CHSY3: variants seen among roughly 807,000 people sequenced by gnomAD.
CHSY3 encodes the protein N-acetylgalactosaminyl-proteoglycan 3-beta-glucuronosyltransferase 3.
A neutral mutation model predicts 67.2 loss-of-function variants in CHSY3; 35 were observed. That is an observed-to-expected ratio of 0.52 (90% CI 0.40 to 0.69). CHSY3 has a LOEUF of 0.69. Ranked by LOEUF, CHSY3 falls within the 30% of genes least tolerant of loss-of-function variation. The pLI is 0.00. For synonymous variants in CHSY3, 474 were observed against 434.7 expected, an observed-to-expected ratio of 1.09 and a Z score of -1.12; for missense variants, 1,069 against 1,138.5, an observed-to-expected ratio of 0.94 and a Z score of 0.88.
At chr5:130,168,063 TCTTTC>T (rs1769798276) in intron 2 of CHSY3, among the ~76,000 whole-genome samples, 1 of 152,138 alleles carries the variant, frequency 6.6e-6, no homozygotes, top group Non-Finnish European at 1.5e-5. Context: ...GGTTCTTTTT[TCTTTC>T]CTTTAAGTAG....
chr5:129,970,413 GATA>G (rs1365156897), intron 2 of CHSY3, among the ~76,000 whole-genome samples: 2 of 145,854 alleles, frequency 1.4e-5, no homozygotes, highest in Non-Finnish European at 3.0e-5. Context: ...TAGATAGATA[GATA>G]GATAGATAGA....
chr5:129,995,237 TA>T (rs1168748357), intron 2 of CHSY3, among the ~76,000 whole-genome samples: 2 of 152,176 alleles, frequency 1.3e-5, no homozygotes, highest in Non-Finnish European at 2.9e-5. Context: ...ATCCTTTTTG[TA>T]AAATGCCTGC....
chr5:129,908,749 TTA>T (rs1291353708), intron 2 of CHSY3, among the ~76,000 whole-genome samples: 1 of 152,184 alleles, frequency 6.6e-6, no homozygotes, highest in Non-Finnish European at 1.5e-5. Flanking sequence ...TTATTTTATT[TTA>T]TTTTATTTTG....
intron 2 of CHSY3, among the ~76,000 whole-genome samples, chr5:130,158,548 G>A (rs574120885): frequency 1.3e-5 from 2 of 152,268 alleles, no homozygotes; most frequent in African/African-American, 4.8e-5. Flanking sequence ...ATCATCAAAT[G>A]TGGGTCTAGA....
chr5:129,937,388 T>C (rs567492285), intron 2 of CHSY3, among the ~76,000 whole-genome samples: 2 of 152,240 alleles, frequency 1.3e-5, no homozygotes, highest in African/African-American at 2.4e-5. Flanking sequence ...CATCATTCAA[T>C]CACCTCCCAC....
chr5:130,020,461 A>ATATATATATATATATATAT (rs1371121130), intron 2 of CHSY3, among the ~76,000 whole-genome samples: 1 of 79,930 alleles, frequency 1.3e-5, no homozygotes. Flanking sequence ...ATATATATAT[A>ATATATATATATATATATAT]TTTTTTTTTT....
chr5:129,965,203 T>G (rs1265469335), intron 2 of CHSY3, among the ~76,000 whole-genome samples: 1 of 151,814 alleles, frequency 6.6e-6, no homozygotes. Flanking sequence ...AAATCTGGTT[T>G]TCAGGTCAAC....
At chr5:130,027,836 G>A (rs1580663874) in intron 2 of CHSY3, among the ~76,000 whole-genome samples, 1 of 152,136 alleles carries the variant, frequency 6.6e-6, no homozygotes, top group African/African-American at 2.4e-5. Context: ...ATTCCATGGT[G>A]TATATGTGCC....
At chr5:129,989,317 A>G (rs1363970760) in intron 2 of CHSY3, among the ~76,000 whole-genome samples, 2 of 146,550 alleles carry the variant, frequency 1.4e-5, no homozygotes, top group South Asian at 2.2e-4. Flanking sequence ...GCTGGAGTGC[A>G]ATGGTGGGAT....
chr5:130,041,595 C>T (rs1765008575), intron 2 of CHSY3, among the ~76,000 whole-genome samples: 1 of 151,840 alleles, frequency 6.6e-6, no homozygotes, highest in South Asian at 2.1e-4. Context: ...AAAAGGGTAT[C>T]CCAATTGTGT....
chr5:129,930,507 G>GT (rs1761267781), intron 2 of CHSY3, among the ~76,000 whole-genome samples: 1 of 119,272 alleles, frequency 8.4e-6, no homozygotes, highest in Non-Finnish European at 1.7e-5. Flanking sequence ...GGCATCACTG[G>GT]CGGGGGGGGG....
intron 2 of CHSY3, among the ~76,000 whole-genome samples, chr5:130,003,451 CTTG>C (rs1763790588): frequency 6.6e-6 from 1 of 152,008 alleles, no homozygotes; most frequent in Non-Finnish European, 1.5e-5. Flanking sequence ...TATCATAAGC[CTTG>C]TTGTAGGGAC....
intron 2 of CHSY3, among the ~76,000 whole-genome samples, chr5:130,031,795 GAT>G (rs1764710236): frequency 1.3e-5 from 2 of 152,244 alleles, no homozygotes; most frequent in African/African-American, 2.4e-5. Flanking sequence ...AATTATGCAA[GAT>G]AGTGTTACAA....
chr5:130,183,681 T>C (rs1021846373), intron 2 of CHSY3, among the ~76,000 whole-genome samples: 3 of 152,164 alleles, frequency 2.0e-5, no homozygotes, highest in African/African-American at 2.4e-5. Flanking sequence ...CTCTCACTCA[T>C]ATATAGAAAT....
At chr5:129,911,181 T>G (rs1050094093) in intron 2 of CHSY3, among the ~76,000 whole-genome samples, 6 of 151,782 alleles carry the variant, frequency 4.0e-5, no homozygotes, top group Non-Finnish European at 7.4e-5. Flanking sequence ...TATATAATTG[T>G]ATAGTTTCCT....
rs1172129222 is a variant in CHSY3 at position 130,143,756 on chromosome 5, ATGTGTGTGTGTG to A, written c.1087-40471_1087-40460del. Among the ~76,000 whole-genome samples, 355 of 101,638 alleles carry A rather than the reference ATGTGTGTGTGTG, an allele frequency of 3.5e-3. 9 individuals are homozygous for A. The highest frequency in any genetic ancestry group is 0.02 in the East Asian group (48 of 2,398). The allele number at this position is 101,638 out of a possible 152,430, so 66.7% of individuals were successfully genotyped here. A position where few individuals can be genotyped will look rare whatever the true frequency, so the allele number is the denominator to read the frequency against. ...TGTGTATATATATATATATATATAT[ATGTGTGTGTGTG>A]TATATATATATATGTGTATATATAT... On this transcript the variant is annotated intron_variant, in intron 2 of 2. Coordinates refer to ENST00000305031, the MANE Select transcript of CHSY3 (RefSeq NM_175856.5).
intron 2 of CHSY3, among the ~76,000 whole-genome samples, chr5:130,170,759 G>A (rs560370789): frequency 6.6e-6 from 1 of 151,658 alleles, no homozygotes; most frequent in South Asian, 2.1e-4. Context: ...ATTGTTTCAT[G>A]TGTTTGTTGG....
At chr5:129,990,425 C>A (rs1237630358) in intron 2 of CHSY3, among the ~76,000 whole-genome samples, 1 of 149,862 alleles carries the variant, frequency 6.7e-6, no homozygotes. Context: ...TAGTCTGTGG[C>A]CTTTTTACCT....
chr5:129,973,093 T>G (rs531941729), intron 2 of CHSY3, among the ~76,000 whole-genome samples: 1 of 152,174 alleles, frequency 6.6e-6, no homozygotes, highest in East Asian at 1.9e-4. Context: ...TTTCATTAAA[T>G]TGCTTTTTTG....
Sources: allele counts gnomAD v4.1 joint callset (sites outside exome capture counted in the v4.1 genomes callset), GRCh38; gene constraint gnomAD v4.1.1; transcripts MANE v1.5; gene names NCBI Gene and HGNC (gene_info 2026-07-23, HGNC 2026-07-21).